Variants in FANCA observed in about 807,000 individuals in gnomAD.
FANCA encodes the protein Fanconi anemia group A protein.
Under a neutral mutation model 194.3 loss-of-function variants are expected in FANCA, and 236 were observed. The observed-to-expected ratio is 1.21, with a 90% CI of 1.09 to 1.35. The LOEUF is 1.35. Among genes scored for constraint, FANCA ranks in the 40% most tolerant of loss-of-function variants. The pLI is 0.00. For synonymous variants in FANCA, 1,014 were observed against 715.8 expected, an observed-to-expected ratio of 1.42 and a Z score of -6.65; for missense variants, 2,628 against 1,813.9, an observed-to-expected ratio of 1.45 and a Z score of -8.15.
chr16:89,789,493 C>T (rs891927210), intron 14 of FANCA, among the ~76,000 whole-genome samples: 7 of 135,598 alleles, frequency 5.2e-5, no homozygotes, highest in African/African-American at 2.0e-4. Context: ...CAGGCTGGAG[C>T]GTAGTAATGC....
intron 33 of FANCA, among the ~76,000 whole-genome samples, chr16:89,748,233 C>T (rs1962310941): frequency 1.3e-5 from 2 of 152,244 alleles, no homozygotes; most frequent in African/African-American, 2.4e-5. Flanking sequence ...CTGCAACTCA[C>T]GCTGGGCAGT....
At chr16:89,776,286 C>T (rs1446379274) in intron 20 of FANCA, among the ~76,000 whole-genome samples, 1 of 150,108 alleles carries the variant, frequency 6.7e-6, no homozygotes, top group African/African-American at 2.4e-5. Flanking sequence ...TCCTGCCTCA[C>T]CCTCCCGAGT....
At chr16:89,744,614 G>A (rs546244667) in intron 36 of FANCA, 17 of 365,696 alleles carry the variant, frequency 4.6e-5, no homozygotes, top group Admixed American at 4.6e-4. Context: ...TCACTCAGAC[G>A]GGAGCCTGGG....
intron 14 of FANCA, among the ~76,000 whole-genome samples, chr16:89,787,687 G>GATC (rs1470712071): frequency 1.3e-5 from 2 of 151,880 alleles, no homozygotes; most frequent in African/African-American, 4.8e-5. Flanking sequence ...AGTGAGCCAT[G>GATC]ATCACACCAC....
At chr16:89,782,785 A>C in intron 17 of FANCA, 74 bp downstream of exon 17, 1 of 1,355,910 alleles carries the variant, frequency 7.4e-7, no homozygotes, top group Non-Finnish European at 1.1e-6. Flanking sequence ...ACTCAACTCA[A>C]GAGTCAAAAG....
At chr16:89,808,389 A>T in intron 5 of FANCA, 22 bp from the exon 6 acceptor site, 1 of 1,609,702 alleles carries the variant, frequency 6.2e-7, no homozygotes, top group East Asian at 2.2e-5. Context: ...AACAAAACAA[A>T]CAAAAACAAA....
At chr16:89,767,847 C>A (rs1273003945) in intron 26 of FANCA, among the ~76,000 whole-genome samples, 4 of 152,122 alleles carry the variant, frequency 2.6e-5, no homozygotes, top group African/African-American at 9.7e-5. Context: ...TGCAACCAGT[C>A]GAGTTTTTAA....
intron 17 of FANCA, among the ~76,000 whole-genome samples, chr16:89,781,411 T>G (rs144649440): frequency 2.9e-5 from 4 of 138,458 alleles, no homozygotes; most frequent in Admixed American, 2.3e-4. Flanking sequence ...CAGTGGCTCA[T>G]GCCTGTAATC....
At chr16:89,744,647 G>A (rs1168188416) in intron 36 of FANCA, 38 of 394,344 alleles carry the variant, frequency 9.6e-5, no homozygotes, top group Non-Finnish European at 1.1e-4. Flanking sequence ...TCACTCAGAC[G>A]AGACACTGGC....
intron 7 of FANCA, among the ~76,000 whole-genome samples, chr16:89,803,802 G>A (rs1207865761): frequency 6.6e-6 from 1 of 151,926 alleles, no homozygotes; most frequent in East Asian, 1.9e-4. Context: ...TGTATTTTTA[G>A]TAGAGATGGG....
In FANCA at chr16:89,792,687, A is replaced by T. The variant is rs1176770357; in HGVS notation, c.1007-140T>A. On this transcript the variant is annotated intron_variant, in intron 11 of 42. Coordinates refer to ENST00000389301, the MANE Select transcript of FANCA (RefSeq NM_000135.4). Reference sequence around the variant, plus strand: ...GAGTGTAGAAAGAAAGATACAAGACAAAGAGATAAAAGACAAGACAGCTGG... The same window carrying T: ...GAGTGTAGAAAGAAAGATACAAGACTAAGAGATAAAAGACAAGACAGCTGG... The T allele has an allele frequency of 8.6e-6, 6 of 701,432 alleles. No individual in the cohort carries two copies. The African/African-American group carries it at 1.1e-4, about 12-fold the overall frequency. 43.5% of individuals were successfully genotyped at this position (701,432 alleles called of 1,614,324 possible). A position where few individuals can be genotyped will look rare whatever the true frequency, so the allele number is the denominator to read the frequency against.
In FANCA at chr16:89,738,762, C is replaced by T; in HGVS notation, c.4261-54G>A. The stretch of plus-strand genomic sequence containing the variant: ...ATGCCGCCCACTAGGCCTCAGACCA[C>T]AGGGGAGGGGCTCTGGCAGAAATAG... On this transcript the variant is annotated intron_variant, in intron 42 of 42. Coordinates refer to ENST00000389301, the MANE Select transcript of FANCA (RefSeq NM_000135.4). 1.2e-6 allele frequency: 2 copies of T among 1,612,628 alleles called. 1 individual carries two copies. The highest frequency in any genetic ancestry group is 2.7e-5 in the African/African-American group (2 of 75,020).
intron 8 of FANCA, 108 bp from the exon 9 acceptor site, chr16:89,799,746 C>T (rs1323569728): frequency 1.6e-5 from 16 of 1,002,668 alleles, no homozygotes; most frequent in Non-Finnish European, 2.5e-5. Context: ...AAAGAAACGG[C>T]ACTTCAGGAG....
intron 21 of FANCA, 103 bp downstream of exon 21, chr16:89,775,639 G>C (rs967202359): frequency 4.2e-6 from 4 of 941,620 alleles, no homozygotes; most frequent in East Asian, 5.4e-5. Flanking sequence ...AGCTGGCACA[G>C]CCACCCCCGA....
In FANCA at chr16:89,738,403, G is replaced by A; in HGVS notation, c.*198C>T. ...TGTCCGGCTCAAGTAGCCTTCCTCT[G>A]CTCTGGGACCAGTGGTTTATTTTCC... On this transcript the variant is annotated 3_prime_UTR_variant, in exon 43 of 43. Transcript: ENST00000389301. 7.3e-7 allele frequency: 1 copy of A among 1,379,184 alleles called. No individual in the cohort carries two copies. Among genetic ancestry groups the A allele is most frequent in the East Asian group, 2.5e-5 (1 of 40,014 alleles). The allele number at this position is 1,379,184 out of a possible 1,614,324, so 85.4% of individuals were successfully genotyped here.
At chr16:89,747,256 C>T (rs1408001085) in intron 33 of FANCA, among the ~76,000 whole-genome samples, 1 of 152,228 alleles carries the variant, frequency 6.6e-6, no homozygotes, top group Non-Finnish European at 1.5e-5. Flanking sequence ...CCTTCACTAA[C>T]CAAGTGCTGT....
intron 3 of FANCA, among the ~76,000 whole-genome samples, chr16:89,811,977 C>T (rs111966425): frequency 6.6e-6 from 1 of 151,494 alleles, no homozygotes; most frequent in African/African-American, 2.4e-5. Flanking sequence ...TTAATCCGCC[C>T]GCCTCGGCCT....
At chr16:89,764,860 C>G (rs2039071533) in intron 28 of FANCA, 30 bp downstream of exon 28, 1 of 1,610,408 alleles carries the variant, frequency 6.2e-7, no homozygotes, top group East Asian at 2.2e-5. Flanking sequence ...CAGGACGTGG[C>G]ATGATGCAGG....
At chr16:89,740,253 G>A in intron 38 of FANCA, 154 bp from the exon 39 acceptor site, 2 of 719,084 alleles carry the variant, frequency 2.8e-6, no homozygotes, top group Non-Finnish European at 5.0e-6. Flanking sequence ...GTAATACTGG[G>A]CCTCTGGACA....
Sources: allele counts gnomAD v4.1 joint callset (sites outside exome capture counted in the v4.1 genomes callset), GRCh38; gene constraint gnomAD v4.1.1; transcripts MANE v1.5; gene names NCBI Gene and HGNC (gene_info 2026-07-23, HGNC 2026-07-21).